ALPK2: variants seen among roughly 807,000 people sequenced by gnomAD.
ALPK2 encodes alpha-protein kinase 2.
ALPK2 carries 127 observed loss-of-function variants against 163.1 expected under a neutral mutation model. That is an observed-to-expected ratio of 0.78 (90% confidence interval 0.67 to 0.90). The LOEUF is 0.90. ALPK2 is among the 40% of genes least tolerant of loss of function. The pLI is 0.00. For missense variants in ALPK2, 2,360 were observed against 2,589.6 expected (o/e 0.91, Z 1.92); for synonymous variants, 953 against 959.1 (o/e 0.99, Z 0.12).
chr18:58,590,777 A>G (rs1465859946), intron 3 of ALPK2, among the ~76,000 whole-genome samples: 1 of 152,192 alleles, frequency 6.6e-6, no homozygotes, highest in East Asian at 1.9e-4. Flanking sequence ...TACATTTACC[A>G]ATTTATTCAG....
At position 58,611,826 on chromosome 18, in the gene ALPK2, A is replaced by C; in HGVS notation, c.-20-9T>G. 6.8e-7 allele frequency: 1 copy of C among 1,459,884 alleles called. No homozygotes were observed. The highest frequency in any genetic ancestry group is 9.3e-7 in the Non-Finnish European group (1 of 1,073,530). The allele number at this position is 1,459,884 out of a possible 1,614,324, so 90.4% of individuals were successfully genotyped here. ...TTCATGCCGCACCAAATCTGAAAAA[A>C]AAAAAAATCCCCGACATCACCATTT... is the stretch of plus-strand genomic sequence containing the variant. On this transcript the variant is annotated splice_polypyrimidine_tract_variant and intron_variant, in intron 1 of 12. Coordinates refer to ENST00000361673, the MANE Select transcript of ALPK2 (RefSeq NM_052947.4).
rs537933899 is a variant in ALPK2 at position 58,487,210 on chromosome 18, G to A, written c.6297-5171C>T. Among the ~76,000 whole-genome samples the A allele has an allele frequency of 3.3e-5, 5 of 152,194 alleles. No individual in the cohort carries two copies. In the South Asian group the frequency reaches 8.3e-4, roughly 25 times the overall value. On this transcript the variant is annotated intron_variant, in intron 12 of 12. Coordinates refer to ENST00000361673, the MANE Select transcript of ALPK2 (RefSeq NM_052947.4). ...ATAAGGTCACACTGGAGCAGGGGAGGCCCTCAATCCACTGTTACTGGTGTC... is the reference window on the plus strand; with the variant it reads ...ATAAGGTCACACTGGAGCAGGGGAGACCCTCAATCCACTGTTACTGGTGTC...
intron 9 of ALPK2, among the ~76,000 whole-genome samples, chr18:58,516,619 C>T (rs551223642): frequency 1.3e-5 from 2 of 152,210 alleles, no homozygotes; most frequent in African/African-American, 4.8e-5. Flanking sequence ...AGACTCAAAC[C>T]GCCAGGGATG....
At chr18:58,567,095 G>C (rs186862652) in intron 4 of ALPK2, among the ~76,000 whole-genome samples, 1 of 151,936 alleles carries the variant, frequency 6.6e-6, no homozygotes, top group African/African-American at 2.4e-5. Context: ...TGCAGGTTCA[G>C]GCCTGCATAT....
Position 58,523,916 on chromosome 18 carries a change from A to G in ALPK2, c.5629+19T>C, listed in dbSNP as rs188538961. On this transcript the variant is annotated intron_variant, in intron 7 of 12. Coordinates refer to ENST00000361673, the MANE Select transcript of ALPK2 (RefSeq NM_052947.4). The stretch of plus-strand genomic sequence containing the variant: ...AACGGGCAGGGGCCAGTGGTTTTTC[A>G]TTGAAAACTGTGGTTTACCTTCAGC... 1.2e-6 allele frequency: 2 copies of G among 1,613,846 alleles called. No homozygotes were observed. The highest frequency in any genetic ancestry group is 1.7e-6 in the Non-Finnish European group (2 of 1,179,998).
chr18:58,558,450 C>T (rs1429670868), intron 4 of ALPK2, among the ~76,000 whole-genome samples: 3 of 152,148 alleles, frequency 2.0e-5, no homozygotes, highest in African/African-American at 4.8e-5. Flanking sequence ...AAGTAAAAGA[C>T]GTAAGTGTCT....
At chr18:58,545,487 T>C (rs1234339228) in intron 4 of ALPK2, among the ~76,000 whole-genome samples, 8 of 152,064 alleles carry the variant, frequency 5.3e-5, no homozygotes, top group Admixed American at 6.5e-5. Context: ...TGCCAAGGGA[T>C]CAAAGGGCCT....
intron 4 of ALPK2, among the ~76,000 whole-genome samples, chr18:58,577,001 C>T (rs1271443832): frequency 6.6e-6 from 1 of 152,190 alleles, no homozygotes; most frequent in East Asian, 1.9e-4. Flanking sequence ...CACACCACAG[C>T]GCACAGGTTG....
chr18:58,537,463 TC>T lies in ALPK2; in HGVS notation c.2723del (p.Gly908GlufsTer4). The stretch of plus-strand genomic sequence containing the variant: ...AATTCTCCACCTTGGCTAGATTTTC[TC>T]CTGTGGCACCTTCACTAGCTGTGTG... ...ISHTASEGAT[G>X]ENLAKVENST... On this transcript the variant is annotated frameshift_variant, in exon 5 of 13. Transcript: ENST00000361673. LOFTEE classifies it high-confidence loss of function. 1 of 1,612,118 alleles carries T rather than the reference TC, an allele frequency of 6.2e-7. No individual in the cohort carries two copies. Among genetic ancestry groups the T allele is most frequent in the South Asian group, 1.1e-5 (1 of 90,862 alleles).
intron 3 of ALPK2, among the ~76,000 whole-genome samples, chr18:58,606,225 C>T (rs1408221839): frequency 2.6e-5 from 4 of 152,074 alleles, no homozygotes; most frequent in East Asian, 1.9e-4. Context: ...ACTACAGGCA[C>T]GAGCCACCAT....
chr18:58,562,187 A>C (rs1355429528), intron 4 of ALPK2, among the ~76,000 whole-genome samples: 1 of 152,242 alleles, frequency 6.6e-6, no homozygotes, highest in Non-Finnish European at 1.5e-5. Flanking sequence ...GAAATGCCAA[A>C]TGTTGGACAT....
rs372075536 is a variant in ALPK2, at chr18:58,625,767, G to T, written c.-21+2997C>A. On this transcript the variant is annotated intron_variant, in intron 1 of 12. Transcript: ENST00000361673. ...CATGAGGATTGCAGTGGAAGGGCTG[G>T]CCCTTGAGAGGGAGGGTGCAGTGTA... Among the ~76,000 whole-genome samples the T allele has an allele frequency of 1.2e-4, 19 of 152,338 alleles. No homozygotes were observed. In the South Asian group the frequency reaches 2.1e-3, roughly 17 times the overall value.
intron 4 of ALPK2, among the ~76,000 whole-genome samples, chr18:58,555,852 T>G (rs1191784007): frequency 1.3e-5 from 2 of 152,246 alleles, no homozygotes; most frequent in African/African-American, 4.8e-5. Context: ...GACAGAGTCT[T>G]GCTCTGTCAC....
At chr18:58,512,648 GGTGTGTGTGTGCT>G (rs1343640403) in intron 10 of ALPK2, among the ~76,000 whole-genome samples, 7 of 151,342 alleles carry the variant, frequency 4.6e-5, no homozygotes, top group African/African-American at 1.7e-4. Context: ...ACGTATGTGT[GGTGTGTGTGTGCT>G]GTGTGTGTGT....
At chr18:58,503,703 T>C (rs1280738087) in intron 11 of ALPK2, among the ~76,000 whole-genome samples, 1 of 152,112 alleles carries the variant, frequency 6.6e-6, no homozygotes, top group East Asian at 1.9e-4. Flanking sequence ...TGTCCCCCCC[T>C]AGAATTTTTT....
At chr18:58,491,720 A>T (rs779190079) in intron 12 of ALPK2, among the ~76,000 whole-genome samples, 1 of 152,190 alleles carries the variant, frequency 6.6e-6, no homozygotes, top group Non-Finnish European at 1.5e-5. Flanking sequence ...AGCTGGCCCT[A>T]TGTGAATTAA....
At position 58,521,627 on chromosome 18, in the gene ALPK2, C is replaced by CTTTTTTTTTTTTTTTTTTTTTTTTTTT. The variant is rs398033036; in HGVS notation, c.5665+2178_5665+2179insAAAAAAAAAAAAAAAAAAAAAAAAAAA. On this transcript the variant is annotated intron_variant, in intron 8 of 12. Transcript: ENST00000361673. Reference sequence around the variant, plus strand: ...TTTCTTTTTCTTTCTTTCTCTCTCTCTTTTTTTTTTTTTTTTTTTGAGATG... The same window carrying CTTTTTTTTTTTTTTTTTTTTTTTTTTT: ...TTTCTTTTTCTTTCTTTCTCTCTCTCTTTTTTTTTTTTTTTTTTTTTTTTTTTTTTTTTTTTTTTTTTTTTTGAGATG... 3.4e-4 allele frequency among the ~76,000 whole-genome samples: 19 copies of CTTTTTTTTTTTTTTTTTTTTTTTTTTT among 55,386 alleles called. 3 individuals carry two copies. Among genetic ancestry groups the CTTTTTTTTTTTTTTTTTTTTTTTTTTT allele is most frequent in the Non-Finnish European group, 4.9e-4 (14 of 28,560 alleles). 36.3% of individuals were successfully genotyped at this position (55,386 alleles called of 152,430 possible).
chr18:58,545,528 G>A, intron 4 of ALPK2, among the ~76,000 whole-genome samples: 1 of 152,172 alleles, frequency 6.6e-6, no homozygotes, highest in East Asian at 1.9e-4. Flanking sequence ...TAGAGTGGGG[G>A]AGGGAGAATG....
At chr18:58,502,582 T>C (rs1351858653) in intron 11 of ALPK2, among the ~76,000 whole-genome samples, 1 of 152,182 alleles carries the variant, frequency 6.6e-6, no homozygotes, top group Non-Finnish European at 1.5e-5. Context: ...TAGCTAGAGC[T>C]TGAGATCCTC....
Sources: gnomAD v4.1 joint callset for allele counts (sites outside exome capture counted in the v4.1 genomes callset) on GRCh38, gnomAD v4.1.1 for gene constraint, MANE v1.5 for transcripts, NCBI Gene and HGNC (gene_info 2026-07-23, HGNC 2026-07-21) for gene names.